The following NPAS3 variants were observed in gnomAD, a reference collection of about 807,000 sequenced individuals.
NPAS3 encodes the protein neuronal PAS domain protein 3.
Under a neutral mutation model 73.1 loss-of-function variants are expected in NPAS3, and 14 were observed. That is an observed-to-expected ratio of 0.19 (90% CI 0.13 to 0.30). NPAS3 has a LOEUF of 0.30. NPAS3 is among the 10% of genes least tolerant of loss of function. The pLI is 1.00. For missense variants in NPAS3, 1,096 were observed against 1,250.0 expected, an observed-to-expected ratio of 0.88 and a Z score of 1.86; for synonymous variants, 620 against 541.5, an observed-to-expected ratio of 1.14 and a Z score of -2.01.
At chr14:32,961,175 A>G (rs2036897217) in intron 1 of NPAS3, among the ~76,000 whole-genome samples, 1 of 152,126 alleles carries the variant, frequency 6.6e-6, no homozygotes, top group Non-Finnish European at 1.5e-5. Context: ...GCACTTTGGG[A>G]GGCCGAGGTG....
chr14:33,615,386 G>A (rs1280529828), intron 5 of NPAS3, among the ~76,000 whole-genome samples: 1 of 152,132 alleles, frequency 6.6e-6, no homozygotes, highest in Non-Finnish European at 1.5e-5. Context: ...AGCAGCGACT[G>A]CAGAGGTGGA....
chr14:33,747,489 C>T (rs1290663575), intron 7 of NPAS3, among the ~76,000 whole-genome samples: 1 of 152,206 alleles, frequency 6.6e-6, no homozygotes, highest in African/African-American at 2.4e-5. Flanking sequence ...CCCCCCATCC[C>T]ACCATCAAAT....
chr14:32,962,938 CTCCTGGGTTCAAGTGA>C, intron 1 of NPAS3, among the ~76,000 whole-genome samples: 1 of 149,466 alleles, frequency 6.7e-6, no homozygotes, highest in Non-Finnish European at 1.5e-5. Flanking sequence ...TGGCCTTGGT[CTCCTGGGTTCAAGTGA>C]TCCTTTTGCC....
chr14:33,468,407 C>T, intron 4 of NPAS3, among the ~76,000 whole-genome samples: 1 of 152,122 alleles, frequency 6.6e-6, no homozygotes, highest in East Asian at 1.9e-4. Flanking sequence ...TCCTTTCTTG[C>T]AAAAAGTTCT....
Position 33,022,700 on chromosome 14 carries a change from G to A in NPAS3, c.51-33205G>A, listed in dbSNP as rs371177012. ...AAAAAAAAAAAAAAGTTACTTTTGT[G>A]TAAGAAAACCCAACTCATTGTTTAT... On this transcript the variant is annotated intron_variant, in intron 1 of 11. Transcript: ENST00000356141. 1.1e-4 allele frequency among the ~76,000 whole-genome samples: 16 copies of A among 147,788 alleles called. No individual in the cohort carries two copies. In the South Asian group the frequency reaches 3.2e-3, roughly 29 times the overall value.
At chr14:33,007,407 G>A (rs573715856) in intron 1 of NPAS3, among the ~76,000 whole-genome samples, 61 of 152,246 alleles carry the variant, frequency 4.0e-4, no homozygotes, top group African/African-American at 1.4e-3. Context: ...TTTTCAAAAT[G>A]GTGACCTAAA....
chr14:33,741,891 C>T lies in NPAS3; in HGVS notation c.852+6559C>T, dbSNP rs549336713. 2.6e-5 allele frequency among the ~76,000 whole-genome samples: 4 copies of T among 152,122 alleles called. No homozygotes were observed. In the South Asian group the frequency reaches 8.3e-4, roughly 32 times the overall value. ...TATCTTTTCAGATCAGTTTTCTGAG[C>T]CTTTGCTAGCTATGAATAACAAAAG... On this transcript the variant is annotated intron_variant, in intron 7 of 11. Transcript: ENST00000356141.
At chr14:33,734,363 G>C (rs73258988) in intron 6 of NPAS3, among the ~76,000 whole-genome samples, 4,597 of 152,192 alleles carry the variant, frequency 0.03, 244 homozygotes, top group African/African-American at 0.1. Context: ...GTTGCCTTCT[G>C]ACCTGTTTGC....
At chr14:33,649,041 C>T (rs2058914880) in intron 5 of NPAS3, among the ~76,000 whole-genome samples, 1 of 152,060 alleles carries the variant, frequency 6.6e-6, no homozygotes, top group Non-Finnish European at 1.5e-5. Context: ...AGGGAAGCAC[C>T]CTATACAGGC....
chr14:33,624,636 A>G (rs2058172174), intron 5 of NPAS3, among the ~76,000 whole-genome samples: 1 of 152,052 alleles, frequency 6.6e-6, no homozygotes, highest in Non-Finnish European at 1.5e-5. Context: ...ACATAGGAAA[A>G]TTGATACATA....
chr14:33,586,668 T>C (rs1490269623), intron 5 of NPAS3, among the ~76,000 whole-genome samples: 1 of 152,234 alleles, frequency 6.6e-6, no homozygotes, highest in Non-Finnish European at 1.5e-5. Flanking sequence ...ACATTCCCTT[T>C]TGTTAATTTA....
At chr14:33,063,747 GCTAT>G (rs1289647241) in intron 2 of NPAS3, among the ~76,000 whole-genome samples, 2 of 152,142 alleles carry the variant, frequency 1.3e-5, no homozygotes, top group African/African-American at 2.4e-5. Context: ...TAGACCTCAG[GCTAT>G]CTGACTTCAG....
chr14:33,478,860 A>G (rs939579682), intron 4 of NPAS3, among the ~76,000 whole-genome samples: 17 of 152,134 alleles, frequency 1.1e-4, no homozygotes, highest in African/African-American at 4.1e-4. Flanking sequence ...TTTTACCCTG[A>G]GCCTTAATCT....
At chr14:33,283,553 A>G (rs2041717865) in intron 3 of NPAS3, among the ~76,000 whole-genome samples, 1 of 152,196 alleles carries the variant, frequency 6.6e-6, no homozygotes, top group Non-Finnish European at 1.5e-5. Flanking sequence ...GAATCATCTG[A>G]CCACATTTTC....
intron 4 of NPAS3, among the ~76,000 whole-genome samples, chr14:33,459,402 G>T (rs1314413031): frequency 6.6e-6 from 1 of 152,210 alleles, no homozygotes; most frequent in East Asian, 1.9e-4. Flanking sequence ...ACAAATGTAA[G>T]GTGTTGTTAT....
chr14:33,129,332 T>C (rs1330990190), intron 2 of NPAS3, among the ~76,000 whole-genome samples: 1 of 152,194 alleles, frequency 6.6e-6, no homozygotes, highest in African/African-American at 2.4e-5. Flanking sequence ...AAAAGCCATC[T>C]GGACAATGAT....
At chr14:33,025,099 A>T (rs564494418) in intron 1 of NPAS3, among the ~76,000 whole-genome samples, 19 of 152,216 alleles carry the variant, frequency 1.2e-4, no homozygotes, top group South Asian at 4.2e-4. Context: ...AGAAGTTTAT[A>T]AAAAAAGAGG....
At chr14:33,479,804 C>T (rs1031212509) in intron 4 of NPAS3, among the ~76,000 whole-genome samples, 7 of 152,080 alleles carry the variant, frequency 4.6e-5, no homozygotes, top group African/African-American at 1.4e-4. Flanking sequence ...GAAGGAAATG[C>T]GTTTGTCCTT....
chr14:33,766,015 C>G (rs2062451809), intron 7 of NPAS3, among the ~76,000 whole-genome samples: 1 of 152,222 alleles, frequency 6.6e-6, no homozygotes, highest in Non-Finnish European at 1.5e-5. Flanking sequence ...AAAGAAATCC[C>G]TCACATCAGC....
Sources: gnomAD v4.1 joint callset for allele counts (sites outside exome capture counted in the v4.1 genomes callset) on GRCh38, gnomAD v4.1.1 for gene constraint, MANE v1.5 for transcripts, NCBI Gene and HGNC (gene_info 2026-07-23, HGNC 2026-07-21) for gene names.